Variants in DAB2IP observed in about 807,000 individuals in gnomAD.
DAB2IP encodes the protein DAB2 interacting protein, also known as disabled homolog 2-interacting protein.
Under a neutral mutation model 107.2 loss-of-function variants are expected in DAB2IP, and 28 were observed. That is an observed-to-expected ratio of 0.26 (90% CI 0.19 to 0.36). The LOEUF is 0.36. Among genes scored for constraint, DAB2IP ranks in the 10% least tolerant of loss-of-function variants. DAB2IP has a pLI of 1.00. For missense variants in DAB2IP, 1,400 were observed against 1,644.7 expected, an observed-to-expected ratio of 0.85 and a Z score of 2.57; for synonymous variants, 755 against 706.4, an observed-to-expected ratio of 1.07 and a Z score of -1.09.
At chr9:121,646,216 T>C (rs541901392) in intron 1 of DAB2IP, among the ~76,000 whole-genome samples, 60 of 152,314 alleles carry the variant, frequency 3.9e-4, no homozygotes, top group African/African-American at 1.4e-3. Context: ...TCATTAAATA[T>C]ATCGGTGGCT....
intron 1 of DAB2IP, among the ~76,000 whole-genome samples, chr9:121,630,533 A>AT (rs1554716325): frequency 0.11 from 15,678 of 146,886 alleles, 943 homozygotes; most frequent in African/African-American, 0.15. Flanking sequence ...TCATAAAAAA[A>AT]TTTTTTTTTT....
At position 121,675,221 on chromosome 9, in the gene DAB2IP, G is replaced by A. The variant is rs375551094; in HGVS notation, c.125-3457G>A. ...TGGGCGCCCCCAGCATTGCCCCAGA[G>A]CTCAAAGGATGACAGTTCCCGCAGG... On this transcript the variant is annotated intron_variant, in intron 1 of 15. Transcript: ENST00000408936. Among the ~76,000 whole-genome samples, 10 of 152,270 alleles carry A rather than the reference G, an allele frequency of 6.6e-5. No individual in the cohort carries two copies. In the East Asian group the frequency reaches 1.2e-3, roughly 18 times the overall value.
chr9:121,721,517 C>T lies in DAB2IP; in HGVS notation c.362+22059C>T, dbSNP rs1178510773. ...TCCACCACTGTAGTGGCATCTGTGT[C>T]CATCTGGAGAGTACATGTTCTGCTA... is the stretch of plus-strand genomic sequence containing the variant. On this transcript the variant is annotated intron_variant, in intron 3 of 15. Coordinates refer to ENST00000408936, the Ensembl canonical transcript of DAB2IP. Among the ~76,000 whole-genome samples, 8 of 152,202 alleles carry T rather than the reference C, an allele frequency of 5.3e-5. 1 individual carries two copies. The highest frequency in any genetic ancestry group is 5.2e-4 in the Admixed American group (8 of 15,278).
intron 11 of DAB2IP, 118 bp downstream of exon 11, chr9:121,770,842 C>A: frequency 7.3e-7 from 1 of 1,375,600 alleles, no homozygotes; most frequent in South Asian, 1.4e-5. Context: ...ACAAGCCTGG[C>A]AAGACTTGAG....
In DAB2IP at chr9:121,586,308, CTG is replaced by C. The variant is rs1243498907; in HGVS notation, c.40+19083_40+19084del. Reference sequence around the variant, plus strand: ...CAGGTGACTTACTTGAGACAAATAACTGTGCGAAAATCACAGGCTCATCGAAT... The same window carrying C: ...CAGGTGACTTACTTGAGACAAATAACTGCGAAAATCACAGGCTCATCGAAT... On this transcript the variant is annotated intron_variant, in intron 1 of 16. Coordinates refer to the DAB2IP transcript ENST00000259371. Among the ~76,000 whole-genome samples, 7 of 152,260 alleles carry C rather than the reference CTG, an allele frequency of 4.6e-5. No individual in the cohort carries two copies. The East Asian group carries it at 9.6e-4, about 21-fold the overall frequency.
chr9:121,770,496 A>T, intron 10 of DAB2IP, 50 bp from the exon 11 acceptor site: 3 of 1,585,564 alleles, frequency 1.9e-6, no homozygotes, highest in Non-Finnish European at 1.7e-6. Context: ...CATACAGCCT[A>T]CCCATGTGGT....
chr9:121,614,337 CTTT>C (rs35959966), intron 1 of DAB2IP, among the ~76,000 whole-genome samples: 2 of 102,768 alleles, frequency 1.9e-5, no homozygotes, highest in Non-Finnish European at 1.8e-5. Flanking sequence ...TCTTTCTTTT[CTTT>C]TTTTTTTTTT....
At chr9:121,763,457 A>T in intron 6 of DAB2IP, 48 bp from the exon 7 acceptor site, 1 of 1,568,544 alleles carries the variant, frequency 6.4e-7, no homozygotes. Context: ...AGGGCCCTCC[A>T]TGCCAGGCCA....
At chr9:121,765,394 A>G (rs1834209301) in intron 8 of DAB2IP, among the ~76,000 whole-genome samples, 1 of 152,244 alleles carries the variant, frequency 6.6e-6, no homozygotes, top group East Asian at 1.9e-4. Context: ...AGCCACGGCT[A>G]AAGGTGGCTC....
chr9:121,567,656 G>A (rs371490096), intron 1 of DAB2IP, among the ~76,000 whole-genome samples: 14 of 152,318 alleles, frequency 9.2e-5, no homozygotes, highest in African/African-American at 3.1e-4. Flanking sequence ...TGTAATTAAA[G>A]GCCAGGGCTC....
intron 3 of DAB2IP, among the ~76,000 whole-genome samples, chr9:121,740,402 C>G (rs183423531): frequency 6.6e-6 from 1 of 152,202 alleles, no homozygotes; most frequent in Non-Finnish European, 1.5e-5. Context: ...TTTCCTTACA[C>G]CAGTCTCTCT....
exon 16 of DAB2IP, chr9:121,783,302 A>AGGGCTCC: frequency 7.1e-7 from 1 of 1,402,340 alleles, no homozygotes. Context: ...CTGATGCTCT[A>AGGGCTCC]GGGCTCCCAG....
chr9:121,724,917 G>T (rs1219058161), intron 3 of DAB2IP, among the ~76,000 whole-genome samples: 3 of 152,128 alleles, frequency 2.0e-5, no homozygotes, highest in African/African-American at 4.8e-5. Context: ...GGCCAAGGAG[G>T]GGGTGAACCA....
intron 12 of DAB2IP, among the ~76,000 whole-genome samples, chr9:121,773,806 C>A (rs540015161): frequency 6.6e-6 from 1 of 152,192 alleles, no homozygotes; most frequent in Non-Finnish European, 1.5e-5. Context: ...AAGCGCCTAC[C>A]CAGCTCTGCC....
At chr9:121,646,167 T>G (rs1191486036) in intron 1 of DAB2IP, among the ~76,000 whole-genome samples, 1 of 152,096 alleles carries the variant, frequency 6.6e-6, no homozygotes, top group Non-Finnish European at 1.5e-5. Flanking sequence ...AAGCCTGGGG[T>G]CATCTTGTCC....
At chr9:121,770,838 C>T in intron 11 of DAB2IP, 114 bp downstream of exon 11, 1 of 1,390,348 alleles carries the variant, frequency 7.2e-7, no homozygotes, top group South Asian at 1.4e-5. Context: ...TAAAACAAGC[C>T]TGGCAAGACT....
At chr9:121,733,958 A>G (rs12003008) in intron 3 of DAB2IP, among the ~76,000 whole-genome samples, 6,196 of 152,256 alleles carry the variant, frequency 0.041, 399 homozygotes, top group African/African-American at 0.14. Context: ...AAGGCTCTGG[A>G]CTTGTTCTGT....
intron 1 of DAB2IP, among the ~76,000 whole-genome samples, chr9:121,611,499 G>A (rs935488678): frequency 1.3e-5 from 2 of 152,178 alleles, no homozygotes; most frequent in Non-Finnish European, 2.9e-5. Context: ...CTTGGACAAA[G>A]TTATCTTATT....
At chr9:121,642,111 T>C (rs1251953452) in intron 1 of DAB2IP, among the ~76,000 whole-genome samples, 2 of 145,210 alleles carry the variant, frequency 1.4e-5, no homozygotes, top group African/African-American at 5.1e-5. Context: ...GACAGGGTCT[T>C]CCTCTGTTGC....
Sources: allele counts gnomAD v4.1 joint callset (sites outside exome capture counted in the v4.1 genomes callset), GRCh38; gene constraint gnomAD v4.1.1; transcripts MANE v1.5; gene names NCBI Gene and HGNC (gene_info 2026-07-23, HGNC 2026-07-21).